The following NTRK3 variants were observed in gnomAD, a reference collection of about 807,000 sequenced individuals.
NTRK3 encodes the protein neurotrophic receptor tyrosine kinase 3.
NTRK3 carries 24 observed loss-of-function variants against 91.7 expected under a neutral mutation model. The observed-to-expected ratio is 0.26, with a 90% CI of 0.19 to 0.37. The LOEUF is 0.37. Ranked by LOEUF, NTRK3 falls within the 10% of genes least tolerant of loss-of-function variation. The probability of loss-of-function intolerance (pLI) is 1.00; values close to 1 mark genes in which losing one functional copy is unlikely to be tolerated. For missense variants in NTRK3, 880 were observed against 1,068.9 expected (o/e 0.82, Z 2.46); for synonymous variants, 483 against 404.0 (o/e 1.20, Z -2.34).
chr15:88,068,242 G>A (rs1242870583), intron 13 of NTRK3, among the ~76,000 whole-genome samples: 1 of 152,098 alleles, frequency 6.6e-6, no homozygotes, highest in African/African-American at 2.4e-5. Context: ...GACCAGCCTG[G>A]ACAACATGGT....
At chr15:88,195,020 C>T (rs2047698164) in intron 3 of NTRK3, among the ~76,000 whole-genome samples, 1 of 152,208 alleles carries the variant, frequency 6.6e-6, no homozygotes, top group African/African-American at 2.4e-5. Context: ...TGCTCATGCT[C>T]AAGTCAGGGG....
chr15:88,087,549 G>C (rs1203715996), intron 13 of NTRK3, among the ~76,000 whole-genome samples: 1 of 152,214 alleles, frequency 6.6e-6, no homozygotes, highest in Admixed American at 6.5e-5. Context: ...TTACCTGTGA[G>C]AAAGCTCAGC....
exon 19 of NTRK3, chr15:87,863,715 G>C (rs2064585738): frequency 4.4e-6 from 1 of 227,510 alleles, no homozygotes; most frequent in Non-Finnish European, 8.7e-6. Context: ...GGGGTCTACA[G>C]TCCCCACCTA....
chr15:87,883,573 AGTGTT>A (rs2065369682), intron 17 of NTRK3, among the ~76,000 whole-genome samples: 1 of 151,290 alleles, frequency 6.6e-6, no homozygotes, highest in Non-Finnish European at 1.5e-5. Flanking sequence ...AGTAGATATG[AGTGTT>A]GTGATTGTGT....
intron 5 of NTRK3, among the ~76,000 whole-genome samples, chr15:88,169,965 C>T (rs1202154747): frequency 6.6e-6 from 1 of 152,188 alleles, no homozygotes; most frequent in Non-Finnish European, 1.5e-5. Context: ...CCTCATCACA[C>T]TGTATAGTAA....
At chr15:88,134,586 G>A (rs4887370) in intron 10 of NTRK3, among the ~76,000 whole-genome samples, 33,018 of 152,138 alleles carry the variant, frequency 0.22, 3,990 homozygotes, top group African/African-American at 0.31. Context: ...TCATTCATCC[G>A]TTAAATGGAG....
chr15:88,010,345 G>A (rs114348191), intron 14 of NTRK3, among the ~76,000 whole-genome samples: 1,642 of 152,136 alleles, frequency 0.011, 28 homozygotes, highest in African/African-American at 0.038. Context: ...TTGGAACTTC[G>A]GGTCTTCTCT....
At chr15:87,888,761 A>G (rs1417946291) in intron 17 of NTRK3, among the ~76,000 whole-genome samples, 1 of 152,164 alleles carries the variant, frequency 6.6e-6, no homozygotes, top group African/African-American at 2.4e-5. Flanking sequence ...CTCATACTAA[A>G]AATATGTTGG....
chr15:88,128,677 A>G lies in NTRK3; in HGVS notation c.1228+34T>C. ...ATAGTTACCGATAGTATCAGAATAAATCAGTTTCAAAGCAACAGGTAAAGC... is the reference window on the plus strand; with the variant it reads ...ATAGTTACCGATAGTATCAGAATAAGTCAGTTTCAAAGCAACAGGTAAAGC... On this transcript the variant is annotated intron_variant, in intron 11 of 18. Coordinates refer to ENST00000394480, the Ensembl canonical transcript of NTRK3. 2.5e-6 allele frequency: 4 copies of G among 1,610,296 alleles called. No individual in the cohort carries two copies. In the South Asian group the frequency reaches 3.3e-5, roughly 13 times the overall value.
chr15:87,933,519 A>C (rs776166352), intron 15 of NTRK3, among the ~76,000 whole-genome samples: 1 of 152,238 alleles, frequency 6.6e-6, no homozygotes, highest in East Asian at 1.9e-4. Context: ...AGCCTGGCAA[A>C]AGCCCCTGCT....
At chr15:88,053,772 A>G (rs549479230) in intron 13 of NTRK3, among the ~76,000 whole-genome samples, 1 of 152,354 alleles carries the variant, frequency 6.6e-6, no homozygotes, top group South Asian at 2.1e-4. Context: ...GGCTAGATAA[A>G]TATTAGTAAT....
chr15:87,876,813 A>T, exon 19 of NTRK3: 1 of 1,167,896 alleles, frequency 8.6e-7, no homozygotes, highest in East Asian at 2.4e-5. Context: ...TGTAGCAGGC[A>T]CTTGAGTTTA....
intron 3 of NTRK3, among the ~76,000 whole-genome samples, chr15:88,196,550 C>T (rs537444948): frequency 8.6e-4 from 131 of 152,314 alleles, no homozygotes; most frequent in African/African-American, 3.0e-3. Flanking sequence ...ATGATATTCA[C>T]CCTTGTTATC....
chr15:88,238,770 G>A (rs921235200), intron 3 of NTRK3, among the ~76,000 whole-genome samples: 3 of 152,316 alleles, frequency 2.0e-5, no homozygotes, highest in Non-Finnish European at 4.4e-5. Context: ...TCACTATGCC[G>A]TGATTCAGCT....
At chr15:87,877,483 T>C (rs1197338687) in intron 18 of NTRK3, among the ~76,000 whole-genome samples, 2 of 152,168 alleles carry the variant, frequency 1.3e-5, no homozygotes, top group Admixed American at 6.5e-5. Flanking sequence ...ATAGTGGACA[T>C]GGGCTTCTGA....
In NTRK3 at chr15:88,133,918, C is replaced by T. The variant is rs180716573; in HGVS notation, c.1204+1183G>A. ...TTAGCTTAATGCAGCCACATTTCTC[C>T]GACTTTACTCTCAGGGCCTCCAGTA... On this transcript the variant is annotated intron_variant, in intron 10 of 18. Transcript: ENST00000394480. Among the ~76,000 whole-genome samples the T allele has an allele frequency of 1.2e-4, 18 of 152,320 alleles. No homozygotes were observed. In the South Asian group the frequency reaches 2.1e-3, roughly 18 times the overall value.
chr15:88,208,329 G>A (rs2048962671), intron 3 of NTRK3, among the ~76,000 whole-genome samples: 1 of 151,938 alleles, frequency 6.6e-6, no homozygotes, highest in Admixed American at 6.6e-5. Flanking sequence ...ATTTTAGCTG[G>A]AGAAAGGGAT....
At chr15:87,883,631 T>A (rs1366266905) in intron 17 of NTRK3, among the ~76,000 whole-genome samples, 1 of 151,112 alleles carries the variant, frequency 6.6e-6, no homozygotes, top group Non-Finnish European at 1.5e-5. Flanking sequence ...TATTTTCAAT[T>A]ACCTAAAAAA....
intron 13 of NTRK3, among the ~76,000 whole-genome samples, chr15:88,043,298 G>T (rs1345967607): frequency 1.3e-5 from 2 of 152,200 alleles, no homozygotes; most frequent in Non-Finnish European, 2.9e-5. Flanking sequence ...AAGGTGACTG[G>T]AATACAAAAT....
Sources: gnomAD v4.1 joint callset for allele counts (sites outside exome capture counted in the v4.1 genomes callset) on GRCh38, gnomAD v4.1.1 for gene constraint, MANE v1.5 for transcripts, NCBI Gene and HGNC (gene_info 2026-07-23, HGNC 2026-07-21) for gene names.